The following ANKRD44 variants were observed in gnomAD, a reference collection of about 807,000 sequenced individuals.
ANKRD44 encodes serine/threonine-protein phosphatase 6 regulatory ankyrin repeat subunit B.
Under a neutral mutation model 116.0 loss-of-function variants are expected in ANKRD44, and 35 were observed. That is an observed-to-expected ratio of 0.30 (90% CI 0.23 to 0.40). The LOEUF (loss-of-function observed/expected upper bound fraction) is 0.40. Ranked by LOEUF, ANKRD44 falls within the 10% of genes least tolerant of loss-of-function variation. The pLI, the probability that ANKRD44 is intolerant of heterozygous loss-of-function variation, is 1.00. For synonymous variants in ANKRD44, 435 were observed against 461.8 expected, an observed-to-expected ratio of 0.94 and a Z score of 0.74; for missense variants, 1,014 against 1,242.6, an observed-to-expected ratio of 0.82 and a Z score of 2.77.
chr2:197,158,888 C>A (rs1402822205), intron 2 of ANKRD44, among the ~76,000 whole-genome samples: 1 of 152,092 alleles, frequency 6.6e-6, no homozygotes, highest in Non-Finnish European at 1.5e-5. Flanking sequence ...CTTTATGACG[C>A]CTGAAAGAAT....
In ANKRD44 at chr2:197,131,422, A is replaced by C. The variant is rs1003483625; in HGVS notation, c.261+5170T>G. Among the ~76,000 whole-genome samples the C allele has an allele frequency of 6.6e-5, 10 of 151,844 alleles. 1 individual carries two copies. Among genetic ancestry groups the C allele is most frequent in the Non-Finnish European group, 1.3e-4 (9 of 67,908 alleles). On this transcript the variant is annotated intron_variant, in intron 4 of 27. Coordinates refer to ENST00000282272, the MANE Select transcript of ANKRD44 (RefSeq NM_001195144.2). ...TAGCCAGGATGGTCTCGATCTCCTG[A>C]CCTCGTGATCCGCCCGCCTCGGCCT... is the stretch of plus-strand genomic sequence containing the variant.
At chr2:197,041,819 G>T (rs1432340938) in intron 16 of ANKRD44, among the ~76,000 whole-genome samples, 2 of 151,974 alleles carry the variant, frequency 1.3e-5, no homozygotes, top group African/African-American at 4.8e-5. Context: ...CACCACAGAA[G>T]AAAATGAAAT....
intron 2 of ANKRD44, among the ~76,000 whole-genome samples, chr2:197,154,876 G>T (rs929023947): frequency 5.9e-5 from 9 of 152,036 alleles, no homozygotes; most frequent in African/African-American, 2.2e-4. Flanking sequence ...ATCACACTCT[G>T]CTGGTATTGT....
chr2:197,052,924 C>T (rs1020877313), intron 16 of ANKRD44, among the ~76,000 whole-genome samples: 18 of 152,104 alleles, frequency 1.2e-4, no homozygotes, highest in African/African-American at 4.3e-4. Flanking sequence ...AATCCCAGCA[C>T]TTTGGGAGGC....
At chr2:197,095,420 T>C (rs2078138804) in intron 10 of ANKRD44, among the ~76,000 whole-genome samples, 1 of 152,184 alleles carries the variant, frequency 6.6e-6, no homozygotes, top group Non-Finnish European at 1.5e-5. Context: ...GGCAGTAGCT[T>C]GAAGAAGGGG....
chr2:197,109,646 A>T (rs1477891828), intron 9 of ANKRD44, among the ~76,000 whole-genome samples: 2 of 152,234 alleles, frequency 1.3e-5, no homozygotes, highest in East Asian at 3.8e-4. Flanking sequence ...GATGAGAAAA[A>T]TACAGGTCCA....
chr2:197,136,774 T>A, intron 3 of ANKRD44, 112 bp from the exon 4 acceptor site: 3 of 853,674 alleles, frequency 3.5e-6, no homozygotes, highest in Non-Finnish European at 5.8e-6. Flanking sequence ...CACCACCTCT[T>A]CTTTTCTTTG....
intron 10 of ANKRD44, among the ~76,000 whole-genome samples, chr2:197,095,147 C>T (rs2078132344): frequency 6.6e-6 from 1 of 152,198 alleles, no homozygotes. Flanking sequence ...AATTTTTAAC[C>T]TGTCTTTTCC....
At chr2:197,175,246 A>T (rs1301069369) in intron 2 of ANKRD44, among the ~76,000 whole-genome samples, 5 of 152,186 alleles carry the variant, frequency 3.3e-5, no homozygotes, top group African/African-American at 1.2e-4. Context: ...AAAAGCCGGT[A>T]ATGGGCAATA....
intron 1 of ANKRD44, among the ~76,000 whole-genome samples, chr2:197,189,712 T>TA (rs1231573126): frequency 1.3e-5 from 2 of 152,202 alleles, no homozygotes; most frequent in Non-Finnish European, 2.9e-5. Context: ...CAGAGAACGA[T>TA]AAGTAGAGGC....
intron 1 of ANKRD44, among the ~76,000 whole-genome samples, chr2:197,273,988 T>A (rs1352083756): frequency 0.3 from 5,921 of 19,678 alleles, 1,152 homozygotes; most frequent in East Asian, 0.4. Context: ...AAAATATATA[T>A]ATATATATAT....
At chr2:197,104,721 A>G (rs537271926) in intron 9 of ANKRD44, among the ~76,000 whole-genome samples, 1 of 152,262 alleles carries the variant, frequency 6.6e-6, no homozygotes, top group East Asian at 1.9e-4. Context: ...CCCAACATTT[A>G]TTTTCAGCAA....
chr2:196,974,885 A>G (rs1336841370), intron 21 of ANKRD44, among the ~76,000 whole-genome samples: 1 of 150,060 alleles, frequency 6.7e-6, no homozygotes, highest in Admixed American at 6.6e-5. Context: ...GTGAGACTCC[A>G]TCTCAAAAAA....
At chr2:197,103,003 G>A (rs2078332807) in intron 9 of ANKRD44, among the ~76,000 whole-genome samples, 1 of 152,050 alleles carries the variant, frequency 6.6e-6, no homozygotes, top group Non-Finnish European at 1.5e-5. Context: ...GCCAAGGTGG[G>A]CAGATCACAA....
chr2:197,049,645 T>C (rs1284697156), intron 16 of ANKRD44, among the ~76,000 whole-genome samples: 3 of 152,020 alleles, frequency 2.0e-5, no homozygotes, highest in Non-Finnish European at 4.4e-5. Flanking sequence ...CTCTACTGTA[T>C]GATTTTTTTT....
At chr2:197,275,428 CAAAAAAA>C (rs527811437) in intron 1 of ANKRD44, among the ~76,000 whole-genome samples, 24 of 97,266 alleles carry the variant, frequency 2.5e-4, no homozygotes, top group East Asian at 5.9e-4. Context: ...CCAGTCTCTT[CAAAAAAA>C]AAAAAAAAAA....
In ANKRD44 at chr2:196,993,640, C is replaced by T. The variant is rs2075960179; in HGVS notation, c.2866G>A (p.Val956Met). The T allele has an allele frequency of 6.4e-7, 1 of 1,550,968 alleles. No homozygotes were observed. The highest frequency in any genetic ancestry group is 1.2e-5 in the South Asian group (1 of 84,068). Reference sequence around the variant, plus strand: ...TTGGCCAGCAACTCCTCAACTACCACCTTTAAGCCATTGCGCGCAGCGACG... The same window carrying T: ...TTGGCCAGCAACTCCTCAACTACCATCTTTAAGCCATTGCGCGCAGCGACG... Reference protein sequence around the residue: ...LHVAARNGLKVVVEELLAKGA... With the variant: ...LHVAARNGLKMVVEELLAKGA... The change falls in exon 27 of 28, where the codon GTG becomes ATG. Residue 956 changes from valine (V) to methionine (M), a missense_variant. Coordinates refer to ENST00000282272, the MANE Select transcript of ANKRD44 (RefSeq NM_001195144.2).
chr2:197,057,993 T>C (rs1282319791), intron 16 of ANKRD44, among the ~76,000 whole-genome samples: 2 of 152,212 alleles, frequency 1.3e-5, no homozygotes, highest in Non-Finnish European at 2.9e-5. Flanking sequence ...AATAATCCAT[T>C]TTCATTTATT....
intron 1 of ANKRD44, among the ~76,000 whole-genome samples, chr2:197,224,333 A>G (rs2081651896): frequency 6.6e-6 from 1 of 152,210 alleles, no homozygotes; most frequent in Non-Finnish European, 1.5e-5. Context: ...CTCCCTGTAA[A>G]TATAATAATT....
Sources: gnomAD v4.1 joint callset for allele counts (sites outside exome capture counted in the v4.1 genomes callset) on GRCh38, gnomAD v4.1.1 for gene constraint, MANE v1.5 for transcripts, NCBI Gene and HGNC (gene_info 2026-07-23, HGNC 2026-07-21) for gene names.